FA2H: variants seen among roughly 807,000 people sequenced by gnomAD.
FA2H encodes fatty acid 2-hydroxylase, also known as fatty acid alpha-hydroxylase.
FA2H carries 22 observed loss-of-function variants against 44.9 expected under a neutral mutation model. That is an observed-to-expected ratio of 0.49 (90% confidence interval 0.35 to 0.70). FA2H has a LOEUF of 0.70. Ranked by LOEUF, FA2H falls within the 30% of genes least tolerant of loss-of-function variation. The pLI, the probability that FA2H is intolerant of heterozygous loss-of-function variation, is 0.01. For missense variants in FA2H, 501 were observed against 504.9 expected (o/e 0.99, Z 0.07); for synonymous variants, 243 against 213.2 (o/e 1.14, Z -1.22).
intron 4 of FA2H, among the ~76,000 whole-genome samples, chr16:74,719,698 C>A (rs1039704341): frequency 6.6e-6 from 1 of 152,084 alleles, no homozygotes; most frequent in African/African-American, 2.4e-5. Context: ...CCACCGCACC[C>A]AGCTAATTTT....
chr16:74,771,953 T>C (rs1343463298), intron 1 of FA2H, among the ~76,000 whole-genome samples: 1 of 107,718 alleles, frequency 9.3e-6, no homozygotes, highest in Non-Finnish European at 1.9e-5. Flanking sequence ...CCTGGCTTCC[T>C]TTTTTTTTTT....
chr16:74,717,327 A>G (rs1049875023), intron 5 of FA2H, among the ~76,000 whole-genome samples: 11 of 152,166 alleles, frequency 7.2e-5, no homozygotes, highest in African/African-American at 2.7e-4. Flanking sequence ...ACAGTGACAC[A>G]ATGAGATGCT....
At chr16:74,748,479 C>T (rs1962467782) in intron 1 of FA2H, among the ~76,000 whole-genome samples, 1 of 152,148 alleles carries the variant, frequency 6.6e-6, no homozygotes, top group Non-Finnish European at 1.5e-5. Context: ...TTCAAGATCT[C>T]TCAAGTGATT....
chr16:74,728,173 C>T (rs1288000112), intron 2 of FA2H, among the ~76,000 whole-genome samples: 1 of 152,178 alleles, frequency 6.6e-6, no homozygotes, highest in Non-Finnish European at 1.5e-5. Flanking sequence ...CCTGTAAACC[C>T]TGCATTTTGG....
intron 1 of FA2H, among the ~76,000 whole-genome samples, chr16:74,773,367 GA>G (rs1962944255): frequency 6.6e-6 from 1 of 152,032 alleles, no homozygotes; most frequent in Admixed American, 6.6e-5. Context: ...GCATATATGG[GA>G]AAAAACATAG....
At chr16:74,728,034 C>T (rs1338068119) in intron 2 of FA2H, among the ~76,000 whole-genome samples, 4 of 152,132 alleles carry the variant, frequency 2.6e-5, no homozygotes, top group Admixed American at 2.0e-4. Context: ...CAGTTAGACT[C>T]GGAAGTCAGG....
chr16:74,760,878 C>G lies in FA2H; in HGVS notation c.270+13608G>C, dbSNP rs563976740. Among the ~76,000 whole-genome samples the G allele has an allele frequency of 1.9e-3, 286 of 152,220 alleles. 3 individuals carry two copies. The highest frequency in any genetic ancestry group is 3.4e-3 in the Middle Eastern group (1 of 294). On this transcript the variant is annotated intron_variant, in intron 1 of 6. Coordinates refer to ENST00000219368, the MANE Select transcript of FA2H (RefSeq NM_024306.5). ...TTGAAAATACTGGGCACTTGGAGAC[C>G]CATATTGCAGGATCTCTCTGAAATA...
At chr16:74,773,905 A>G (rs1381464441) in intron 1 of FA2H, among the ~76,000 whole-genome samples, 1 of 152,152 alleles carries the variant, frequency 6.6e-6, no homozygotes, top group South Asian at 2.1e-4. Context: ...GGACAAGAAT[A>G]TAAGGGAAGG....
chr16:74,728,286 C>A (rs923107569), intron 2 of FA2H, among the ~76,000 whole-genome samples: 2 of 152,172 alleles, frequency 1.3e-5, no homozygotes, highest in African/African-American at 4.8e-5. Context: ...ATAACGGTAC[C>A]TGCATTAAGT....
intron 4 of FA2H, among the ~76,000 whole-genome samples, chr16:74,725,079 C>G (rs967054576): frequency 2.6e-5 from 4 of 152,300 alleles, no homozygotes; most frequent in African/African-American, 9.6e-5. Context: ...CTGAGCTATT[C>G]AGCGTGAGCA....
rs112754063 is a variant in FA2H, at chr16:74,716,757, C to T, written c.787-158G>A. The T allele has an allele frequency of 4.5e-3, 3,324 of 738,930 alleles. 75 individuals carry two copies. In the African/African-American group the frequency reaches 0.053, roughly 12 times the overall value. 45.8% of individuals were successfully genotyped at this position (738,930 alleles called of 1,614,324 possible). A position where few individuals can be genotyped will look rare whatever the true frequency, so the allele number is the denominator to read the frequency against. ...TGGCTTTGGGGAGGGCGGGCCACCA[C>T]GTCTGGAAGATCTGGAGAGACTGTC... is the stretch of plus-strand genomic sequence containing the variant. On this transcript the variant is annotated intron_variant, in intron 5 of 6. Coordinates refer to ENST00000219368, the MANE Select transcript of FA2H (RefSeq NM_024306.5).
In FA2H at chr16:74,741,848, A is replaced by ATG. The variant is rs1962316313; in HGVS notation, c.271-1735_271-1734dup. ...TGTGTGTGTGTGTGTATGTGTGTGTATGTGTGTATGTGTGTGTGTGTATGT... is the reference window on the plus strand; with the variant it reads ...TGTGTGTGTGTGTGTATGTGTGTGTATGTGTGTGTATGTGTGTGTGTGTATGT... On this transcript the variant is annotated intron_variant, in intron 1 of 6. Coordinates refer to ENST00000219368, the MANE Select transcript of FA2H (RefSeq NM_024306.5). 1.2e-4 allele frequency among the ~76,000 whole-genome samples: 10 copies of ATG among 83,860 alleles called. No individual in the cohort carries two copies. The East Asian group carries it at 2.4e-3, about 20-fold the overall frequency. 55.0% of individuals were successfully genotyped at this position (83,860 alleles called of 152,430 possible).
chr16:74,774,149 G>A (rs1233372300), intron 1 of FA2H, among the ~76,000 whole-genome samples: 1 of 152,116 alleles, frequency 6.6e-6, no homozygotes, highest in Non-Finnish European at 1.5e-5. Flanking sequence ...AGGCGTATGG[G>A]GGGCTGGGGA....
At chr16:74,725,480 C>A (rs1398693665) in intron 4 of FA2H, among the ~76,000 whole-genome samples, 2 of 152,214 alleles carry the variant, frequency 1.3e-5, no homozygotes, top group Non-Finnish European at 2.9e-5. Context: ...TTAGACACTG[C>A]CCCATATCAG....
chr16:74,772,943 A>G (rs1489258630), intron 1 of FA2H, among the ~76,000 whole-genome samples: 1 of 151,524 alleles, frequency 6.6e-6, no homozygotes, highest in Non-Finnish European at 1.5e-5. Flanking sequence ...GTGCAGTGGC[A>G]TGATCATGGC....
At chr16:74,733,368 TG>T (rs1464820968) in intron 2 of FA2H, among the ~76,000 whole-genome samples, 1 of 151,908 alleles carries the variant, frequency 6.6e-6, no homozygotes, top group African/African-American at 2.4e-5. Context: ...AATTTATAGA[TG>T]AGGATATTGA....
intron 1 of FA2H, among the ~76,000 whole-genome samples, chr16:74,743,184 T>C (rs1430176788): frequency 6.6e-6 from 1 of 152,188 alleles, no homozygotes; most frequent in East Asian, 1.9e-4. Flanking sequence ...TGCAGAACAA[T>C]TACAACAACA....
chr16:74,770,877 C>T (rs1474332940), intron 1 of FA2H, among the ~76,000 whole-genome samples: 1 of 152,214 alleles, frequency 6.6e-6, no homozygotes, highest in Admixed American at 6.5e-5. Flanking sequence ...GGCCCGCCCT[C>T]GGGCTCTTAG....
chr16:74,742,554 G>A (rs1962333661), intron 1 of FA2H, among the ~76,000 whole-genome samples: 1 of 152,158 alleles, frequency 6.6e-6, no homozygotes, highest in African/African-American at 2.4e-5. Context: ...TATTTCAAAG[G>A]CAGGCACGGT....
Sources: allele counts gnomAD v4.1 joint callset (sites outside exome capture counted in the v4.1 genomes callset), GRCh38; gene constraint gnomAD v4.1.1; transcripts MANE v1.5; gene names NCBI Gene and HGNC (gene_info 2026-07-23, HGNC 2026-07-21).